COLEC12: variants seen among roughly 807,000 people sequenced by gnomAD.
COLEC12 encodes the protein collectin-12.
In COLEC12, 33 loss-of-function variants were observed where a neutral mutation model predicts 71.1. The observed-to-expected ratio is 0.46, with a 90% CI of 0.35 to 0.62. The LOEUF (loss-of-function observed/expected upper bound fraction) is 0.62. Among genes scored for constraint, COLEC12 ranks in the 20% least tolerant of loss-of-function variants. COLEC12 has a pLI of 0.00. For synonymous variants in COLEC12, 350 were observed against 353.0 expected, an observed-to-expected ratio of 0.99 and a Z score of 0.10; for missense variants, 765 against 916.1, an observed-to-expected ratio of 0.84 and a Z score of 2.13.
chr18:459,636 G>A (rs1225644901), intron 2 of COLEC12, among the ~76,000 whole-genome samples: 7 of 152,222 alleles, frequency 4.6e-5, no homozygotes, highest in South Asian at 2.1e-4. Context: ...GGTGCAGCAG[G>A]TGCCCTATGC....
chr18:460,735 C>G lies in COLEC12; in HGVS notation c.58+19972G>C, dbSNP rs558162503. ...TGAAGGATGACCCAGTCACCAACCT[C>G]CCCCAACAGTCTGCTATGTGCATCC... On this transcript the variant is annotated intron_variant, in intron 2 of 9. Coordinates refer to ENST00000400256, the MANE Select transcript of COLEC12 (RefSeq NM_130386.3). Among the ~76,000 whole-genome samples the G allele has an allele frequency of 1.2e-4, 19 of 152,256 alleles. 1 individual carries two copies. Among genetic ancestry groups the G allele is most frequent in the African/African-American group, 4.6e-4 (19 of 41,558 alleles).
At chr18:431,434 C>G (rs906634817) in intron 2 of COLEC12, among the ~76,000 whole-genome samples, 10 of 152,196 alleles carry the variant, frequency 6.6e-5, no homozygotes, top group Admixed American at 6.5e-4. Context: ...TTTCTTGAAG[C>G]ACGTTGGCAG....
chr18:331,703 T>C lies in COLEC12; in HGVS notation c.2028A>G (p.Glu676=). The C allele has an allele frequency of 6.2e-7, 1 of 1,613,760 alleles. No individual in the cohort carries two copies. Among genetic ancestry groups the C allele is most frequent in the Non-Finnish European group, 8.5e-7 (1 of 1,179,644 alleles). Residue 676 remains glutamate, a synonymous_variant, in exon 8 of 10, where the codon GAA becomes GAG. Coordinates refer to ENST00000400256, the MANE Select transcript of COLEC12 (RefSeq NM_130386.3). The stretch of plus-strand genomic sequence containing the variant: ...GAGATGTCCCATCCAGCCACTTCCA[T>C]TCATTTTCACGCTCTGAGTCTGTGA... ...IGLTDSEREN[E]WKWLDGTSPD...
At chr18:376,135 G>A (rs1915107895) in intron 2 of COLEC12, among the ~76,000 whole-genome samples, 1 of 152,126 alleles carries the variant, frequency 6.6e-6, no homozygotes, top group African/African-American at 2.4e-5. Flanking sequence ...TAGAAGAGAG[G>A]CAGAAATCCA....
rs765946296 is a variant in COLEC12, at chr18:335,044, T to G, written c.1514A>C (p.Gln505Pro). ...GGAACCACGGGAGCCTTTGGGGCCCTGGGAGCCTTTAGATCCTTTGCCGCC... is the reference window on the plus strand; with the variant it reads ...GGAACCACGGGAGCCTTTGGGGCCCGGGGAGCCTTTAGATCCTTTGCCGCC... ...ERGGKGSKGS[Q>P]GPKGSRGSPG... The change falls in exon 6 of 10, where the codon CAG becomes CCG. Residue 505 changes from glutamine to proline, a missense_variant. Gln to Pro is a moderately conservative substitution (Grantham distance 76). Coordinates refer to ENST00000400256, the MANE Select transcript of COLEC12 (RefSeq NM_130386.3). 1.9e-6 allele frequency: 3 copies of G among 1,602,552 alleles called. No homozygotes were observed. The highest frequency in any genetic ancestry group is 2.6e-6 in the Non-Finnish European group (3 of 1,176,352).
At chr18:360,473 G>T (rs1232512086) in intron 2 of COLEC12, among the ~76,000 whole-genome samples, 1 of 152,280 alleles carries the variant, frequency 6.6e-6, no homozygotes, top group South Asian at 2.1e-4. Flanking sequence ...GTATAGGTGT[G>T]AGCCACCACG....
intron 2 of COLEC12, among the ~76,000 whole-genome samples, chr18:385,274 ACTC>A (rs1915319398): frequency 6.6e-6 from 1 of 151,180 alleles, no homozygotes; most frequent in Non-Finnish European, 1.5e-5. Context: ...TTTCTAAAGT[ACTC>A]TAATTAGACC....
chr18:423,109 A>T (rs1229990230), intron 2 of COLEC12, among the ~76,000 whole-genome samples: 1 of 77,956 alleles, frequency 1.3e-5, no homozygotes, highest in Non-Finnish European at 2.9e-5. Flanking sequence ...CATCTCTAAA[A>T]AAACAAAAAA....
chr18:484,019 C>A (rs1263610782), intron 1 of COLEC12, among the ~76,000 whole-genome samples: 4 of 152,200 alleles, frequency 2.6e-5, no homozygotes, highest in Admixed American at 6.5e-5. Context: ...GAAGATGTCA[C>A]AGTGGAAACA....
chr18:364,941 T>G (rs1227602776), intron 2 of COLEC12, among the ~76,000 whole-genome samples: 1 of 151,908 alleles, frequency 6.6e-6, no homozygotes. Flanking sequence ...GAGCTGGGAG[T>G]TGAACCCAAA....
rs113343412 is a variant in COLEC12, at chr18:368,650, G to T, written c.59-11128C>A. On this transcript the variant is annotated intron_variant, in intron 2 of 9. Coordinates refer to ENST00000400256, the MANE Select transcript of COLEC12 (RefSeq NM_130386.3). Reference sequence around the variant, plus strand: ...GAGGCCAAGGTGGGCGGATCATGAGGTCAGGAGATCGAGACCAGCCTGGCT... The same window carrying T: ...GAGGCCAAGGTGGGCGGATCATGAGTTCAGGAGATCGAGACCAGCCTGGCT... Among the ~76,000 whole-genome samples the T allele has an allele frequency of 4.1e-3, 623 of 152,166 alleles. 2 individuals carry two copies. The highest frequency in any genetic ancestry group is 0.013 in the African/African-American group (547 of 41,502).
At chr18:437,521 G>GCCACT (rs1305495633) in intron 2 of COLEC12, among the ~76,000 whole-genome samples, 18 of 151,972 alleles carry the variant, frequency 1.2e-4, no homozygotes, top group Non-Finnish European at 1.5e-4. Flanking sequence ...GGTGGGGTAT[G>GCCACT]TGCAGACACA....
At chr18:331,876 AGAG>A (rs747675337) in intron 7 of COLEC12, 99 bp from the exon 8 acceptor site, 17 of 734,844 alleles carry the variant, frequency 2.3e-5, no homozygotes, top group Non-Finnish European at 1.4e-5. Flanking sequence ...ACAATTTAAA[AGAG>A]GATGGTTGTC....
chr18:322,464 C>T (rs1281706255), intron 8 of COLEC12, among the ~76,000 whole-genome samples: 2 of 152,144 alleles, frequency 1.3e-5, no homozygotes, highest in Non-Finnish European at 2.9e-5. Context: ...GAGAGAGATT[C>T]TTAAAAACAA....
At chr18:391,678 G>A (rs943660463) in intron 2 of COLEC12, among the ~76,000 whole-genome samples, 1 of 152,102 alleles carries the variant, frequency 6.6e-6, no homozygotes, top group African/African-American at 2.4e-5. Context: ...TATTTTCAGG[G>A]GGAACCAGAG....
chr18:441,358 A>C (rs979197463), intron 2 of COLEC12, among the ~76,000 whole-genome samples: 91 of 152,182 alleles, frequency 6.0e-4, no homozygotes, highest in African/African-American at 2.2e-3. Flanking sequence ...CACTTTTATA[A>C]GGACCATCTT....
At chr18:332,912 C>T (rs1914016455) in intron 7 of COLEC12, 95 bp downstream of exon 7, 4 of 1,141,202 alleles carry the variant, frequency 3.5e-6, no homozygotes, top group East Asian at 2.5e-5. Flanking sequence ...ACTAGGAATT[C>T]GTGATATCTC....
chr18:346,862 C>T lies in COLEC12; in HGVS notation c.760G>A (p.Asp254Asn). Residue 254 changes from aspartate (D) to asparagine (N), a missense_variant, in exon 5 of 10, where the codon GAC becomes AAC. Physicochemically the swap from Asp to Asn is conservative, Grantham distance 23. Transcript: ENST00000400256. This position sits in a 1 kb window ranked among gnomAD's most constrained non-coding sequence, Gnocchi z 4.0. ...LQQVFLQAKK[D>N]TDWLKEKVQS... ...ACTTTCTCCTTCAGCCAATCCGTGT[C>T]CTTCTTGGCTTGAAGAAAAACCTGC... 1.2e-6 allele frequency: 2 copies of T among 1,614,166 alleles called. No individual in the cohort carries two copies. Among genetic ancestry groups the T allele is most frequent in the Non-Finnish European group, 1.7e-6 (2 of 1,180,000 alleles).
At chr18:420,209 C>T (rs73356585) in intron 2 of COLEC12, among the ~76,000 whole-genome samples, 5,953 of 152,164 alleles carry the variant, frequency 0.039, 389 homozygotes, top group African/African-American at 0.14. Flanking sequence ...TTTTAAAATG[C>T]CTTGTTTCAT....
Sources: gnomAD v4.1 joint callset for allele counts (sites outside exome capture counted in the v4.1 genomes callset) on GRCh38, gnomAD v4.1.1 for gene constraint, Gnocchi (gnomAD v3.1) non-coding constraint, MANE v1.5 for transcripts, NCBI Gene and HGNC (gene_info 2026-07-23, HGNC 2026-07-21) for gene names.